DST: variants seen among roughly 807,000 people sequenced by gnomAD.
The protein encoded by DST is dystonin.
A neutral mutation model predicts 875.2 loss-of-function variants in DST; 253 were observed. The observed-to-expected ratio is 0.29, with a 90% confidence interval of 0.26 to 0.32. DST has a LOEUF of 0.32. DST is among the 10% of genes least tolerant of loss of function. DST has a pLI of 1.00. For missense variants in DST, 8,287 were observed against 9,111.6 expected (o/e 0.91, Z 3.68); for synonymous variants, 3,124 against 3,197.1 (o/e 0.98, Z 0.77).
intron 75 of DST, among the ~76,000 whole-genome samples, chr6:56,508,074 G>A (rs568517359): frequency 1.6e-4 from 24 of 152,124 alleles, no homozygotes; most frequent in African/African-American, 3.6e-4. Context: ...TCACTCTGTC[G>A]CCCAGGTTAG....
In DST at chr6:56,648,636, T is replaced by C. The variant is rs773210018; in HGVS notation, c.1488A>G (p.Gln496=). The part of the protein sequence containing the change: ...EYQNMVNYLI[Q]WIRHHVTTMS... The stretch of plus-strand genomic sequence containing the variant: ...TTGTGGTCACATGGTGTCTAATCCA[T>C]TGGATGAGGTAGTTCACCATATTCT... The change falls in exon 13 of 104, where the codon CAA becomes CAG. Residue 496 remains glutamine, a synonymous_variant. Transcript: ENST00000680361. The C allele has an allele frequency of 1.4e-5, 23 of 1,588,350 alleles. No homozygotes were observed. The highest frequency in any genetic ancestry group is 1.9e-5 in the Non-Finnish European group (22 of 1,164,446).
intron 78 of DST, among the ~76,000 whole-genome samples, chr6:56,502,325 T>G (rs2096160664): frequency 6.6e-6 from 1 of 152,180 alleles, no homozygotes; most frequent in East Asian, 1.9e-4. Context: ...ATAAAATATT[T>G]ATTTTAATAT....
intron 4 of DST, among the ~76,000 whole-genome samples, chr6:56,840,779 T>C (rs2099799024): frequency 6.6e-6 from 1 of 152,232 alleles, no homozygotes; most frequent in Admixed American, 6.5e-5. Context: ...TCTCGACTTC[T>C]AAATCTAATG....
chr6:56,831,480 C>G (rs990350179), intron 4 of DST, among the ~76,000 whole-genome samples: 3 of 152,094 alleles, frequency 2.0e-5, no homozygotes, highest in Admixed American at 1.3e-4. Context: ...CTCTCCCTTC[C>G]CCAGCTCCCA....
chr6:56,711,997 A>G (rs1180123388), intron 5 of DST, among the ~76,000 whole-genome samples: 2 of 148,708 alleles, frequency 1.3e-5, no homozygotes, highest in Admixed American at 6.7e-5. Flanking sequence ...AGGCTGAGGC[A>G]GGAGAATGGC....
intron 2 of DST, among the ~76,000 whole-genome samples, chr6:56,938,098 CTCTCTCTCTCTA>C (rs1350740277): frequency 2.3e-4 from 6 of 26,174 alleles, no homozygotes; most frequent in African/African-American, 4.6e-4. Flanking sequence ...CTCTCTCTCT[CTCTCTCTCTCTA>C]TATATATATA....
Position 56,606,481 on chromosome 6 carries a change from AC to A in DST, c.8146del (p.Val2716Ter). 1 of 1,613,324 alleles carries A rather than the reference AC, an allele frequency of 6.2e-7. No homozygotes were observed. Among genetic ancestry groups the A allele is most frequent in the Non-Finnish European group, 8.5e-7 (1 of 1,179,540 alleles). On this transcript the variant is annotated frameshift_variant, in exon 40 of 104. Coordinates refer to ENST00000680361, the MANE Select transcript of DST (RefSeq NM_001374736.1). LOFTEE classifies it high-confidence loss of function. ...IHLNPVGSDK[V>X]NGQSLETGSE... is the part of the protein sequence containing the mutation. ...TCCAGTTTCCAGTGACTGTCCATTC[AC>A]CTTATCTGAGCCAACAGGATTTAAA...
intron 9 of DST, among the ~76,000 whole-genome samples, chr6:56,683,865 A>G (rs2099168395): frequency 6.6e-6 from 1 of 152,226 alleles, no homozygotes; most frequent in South Asian, 2.1e-4. Context: ...CTCAATGAGA[A>G]CCTAGTGTCA....
At chr6:56,846,698 C>T (rs556491170) in intron 4 of DST, among the ~76,000 whole-genome samples, 1 of 152,202 alleles carries the variant, frequency 6.6e-6, no homozygotes, top group African/African-American at 2.4e-5. Flanking sequence ...TACAAAAGCA[C>T]TAAAGACTAA....
intron 36 of DST, chr6:56,615,740 A>G: frequency 6.2e-7 from 1 of 1,614,148 alleles, no homozygotes; most frequent in Non-Finnish European, 8.5e-7. Flanking sequence ...AGCCTCTTCT[A>G]TTGATAACCG....
At chr6:56,493,957 A>C (rs2095834279) in intron 83 of DST, 53 bp downstream of exon 83, 1 of 1,405,852 alleles carries the variant, frequency 7.1e-7, no homozygotes, top group African/African-American at 1.4e-5. Flanking sequence ...GGCCAAGTCC[A>C]AGACATGAAA....
chr6:56,507,875 T>C lies in DST; in HGVS notation c.19239+654A>G, dbSNP rs149037316. Among the ~76,000 whole-genome samples the C allele has an allele frequency of 6.2e-4, 95 of 152,146 alleles. No homozygotes were observed. In the Middle Eastern group the frequency reaches 0.01, roughly 16 times the overall value. On this transcript the variant is annotated intron_variant, in intron 75 of 103. Transcript: ENST00000680361. Reference sequence around the variant, plus strand: ...GGCAGCAACACAGTAAGAGCAGATCTAGAGAGAAGACTGGCAGCAAGGTCA... The same window carrying C: ...GGCAGCAACACAGTAAGAGCAGATCCAGAGAGAAGACTGGCAGCAAGGTCA...
chr6:56,896,509 A>C (rs1477119839), intron 3 of DST, among the ~76,000 whole-genome samples: 8 of 152,132 alleles, frequency 5.3e-5, no homozygotes, highest in South Asian at 2.1e-4. Flanking sequence ...TCCCAGTCTC[A>C]GGTATGTCTT....
At position 56,553,405 on chromosome 6, in the gene DST, T is replaced by C. The variant is rs1584778832; in HGVS notation, c.15387A>G (p.Gln5129=). The change falls in exon 61 of 104, where the codon CAA becomes CAG. Residue 5129 remains glutamine (Q), a synonymous_variant. Coordinates refer to ENST00000680361, the MANE Select transcript of DST (RefSeq NM_001374736.1). ...ACTGTAAGGCTGCCTTCTCAGACCCTTGTGTTTTTAATAACAGATTTTCAC... is the reference window on the plus strand; with the variant it reads ...ACTGTAAGGCTGCCTTCTCAGACCCCTGTGTTTTTAATAACAGATTTTCAC... The part of the protein sequence containing the change: ...AEGENLLLKT[Q]GSEKAALQLQ... 1.9e-6 allele frequency: 3 copies of C among 1,601,626 alleles called. No individual in the cohort carries two copies. Among genetic ancestry groups the C allele is most frequent in the South Asian group, 1.1e-5 (1 of 88,258 alleles).
chr6:56,604,570 T>G lies in DST; in HGVS notation c.10058A>C (p.Glu3353Ala). The change falls in exon 40 of 104, where the codon GAG becomes GCG. Residue 3353 changes from glutamate to alanine, a missense_variant. By Grantham distance (107) the Glu-to-Ala change is moderately radical (BLOSUM62 -1). Transcript: ENST00000680361. ...QIPELSQVFV[E>A]DVKDILKSRL... Reference sequence around the variant, plus strand: ...GCTTTTTAAGATATCCTTTACATCCTCCACAAATACCTGAGACAATTCAGG... The same window carrying G: ...GCTTTTTAAGATATCCTTTACATCCGCCACAAATACCTGAGACAATTCAGG... 6.2e-7 allele frequency: 1 copy of G among 1,611,966 alleles called. No individual in the cohort carries two copies.
At chr6:56,516,974 T>C (rs922866630) in intron 71 of DST, among the ~76,000 whole-genome samples, 3 of 152,196 alleles carry the variant, frequency 2.0e-5, no homozygotes, top group Non-Finnish European at 4.4e-5. Context: ...CAAACCTTAA[T>C]AGCCTTTGTG....
intron 63 of DST, among the ~76,000 whole-genome samples, chr6:56,533,613 T>A (rs78093075): frequency 0.021 from 1,797 of 85,444 alleles, 117 homozygotes; most frequent in Admixed American, 0.16. Context: ...CTTTGATACA[T>A]TTTAATAATA....
At chr6:56,711,615 T>C (rs796528278) in intron 5 of DST, among the ~76,000 whole-genome samples, 19 of 152,304 alleles carry the variant, frequency 1.2e-4, no homozygotes, top group Non-Finnish European at 2.6e-4. Context: ...ATACTCTGCA[T>C]AGTATATCTT....
intron 50 of DST, among the ~76,000 whole-genome samples, chr6:56,578,417 T>C (rs939973362): frequency 6.6e-6 from 1 of 152,062 alleles, no homozygotes; most frequent in African/African-American, 2.4e-5. Flanking sequence ...TTTCTCAACC[T>C]CTTAAACCCA....
Sources: gnomAD v4.1 joint callset for allele counts (sites outside exome capture counted in the v4.1 genomes callset) on GRCh38, gnomAD v4.1.1 for gene constraint, MANE v1.5 for transcripts, NCBI Gene and HGNC (gene_info 2026-07-23, HGNC 2026-07-21) for gene names.